The following HPSE2 variants were observed in gnomAD, a reference collection of about 807,000 sequenced individuals.
The protein encoded by HPSE2 is heparanase 2 (inactive).
HPSE2 carries 38 observed loss-of-function variants against 60.5 expected under a neutral mutation model. That is an observed-to-expected ratio of 0.63 (90% CI 0.48 to 0.82). The LOEUF is 0.82. Among genes scored for constraint, HPSE2 ranks in the 40% least tolerant of loss-of-function variants. HPSE2 has a pLI of 0.00. For synonymous variants in HPSE2, 295 were observed against 293.2 expected (o/e 1.01, Z -0.06); for missense variants, 713 against 740.4 (o/e 0.96, Z 0.43).
At chr10:99,097,854 G>A (rs375158473) in intron 3 of HPSE2, among the ~76,000 whole-genome samples, 1 of 152,148 alleles carries the variant, frequency 6.6e-6, no homozygotes, top group Non-Finnish European at 1.5e-5. Flanking sequence ...GTAGTAAATG[G>A]AAGAACCAGG....
In HPSE2 at chr10:99,008,402, G is replaced by C. The variant is rs866145589; in HGVS notation, c.610+135836C>G. On this transcript the variant is annotated intron_variant, in intron 3 of 11. Transcript: ENST00000370552. Reference sequence around the variant, plus strand: ...TGGAATTTTATCTTTGTTTTAACTTGAGTCTTTATGTTCAGAAAAATGAGA... The same window carrying C: ...TGGAATTTTATCTTTGTTTTAACTTCAGTCTTTATGTTCAGAAAAATGAGA... 1.2e-4 allele frequency among the ~76,000 whole-genome samples: 19 copies of C among 152,172 alleles called. No individual in the cohort carries two copies. The South Asian group carries it at 3.7e-3, about 30-fold the overall frequency.
intron 2 of HPSE2, among the ~76,000 whole-genome samples, chr10:99,206,285 G>A (rs924283972): frequency 2.6e-5 from 4 of 152,146 alleles, no homozygotes; most frequent in African/African-American, 9.7e-5. Context: ...AAGGCTATTA[G>A]TACTTATGTT....
At chr10:98,999,659 G>A (rs1454694006) in intron 3 of HPSE2, among the ~76,000 whole-genome samples, 1 of 152,062 alleles carries the variant, frequency 6.6e-6, no homozygotes, top group Non-Finnish European at 1.5e-5. Flanking sequence ...TTTTAGGTAG[G>A]CAGACTAGAC....
intron 2 of HPSE2, among the ~76,000 whole-genome samples, chr10:99,154,737 A>G (rs1846455297): frequency 6.6e-6 from 1 of 151,434 alleles, no homozygotes; most frequent in African/African-American, 2.4e-5. Context: ...GACAGGATCA[A>G]ATTCACACAT....
chr10:98,841,253 T>C (rs1951906862), intron 3 of HPSE2, among the ~76,000 whole-genome samples: 1 of 152,184 alleles, frequency 6.6e-6, no homozygotes, highest in South Asian at 2.1e-4. Context: ...CAAGAGACGC[T>C]GTCTCAACAA....
the HPSE2 span, among the ~76,000 whole-genome samples, chr10:99,309,048 A>C: frequency 1.3e-5 from 2 of 152,164 alleles, no homozygotes; most frequent in Non-Finnish European, 2.9e-5. Context: ...TCTAAACAAG[A>C]AAAGGGTTAA....
chr10:99,314,676 A>G, the HPSE2 span, among the ~76,000 whole-genome samples: 1 of 152,214 alleles, frequency 6.6e-6, no homozygotes, highest in African/African-American at 2.4e-5. Context: ...ATTTTATTTT[A>G]CAAATCTGTG....
chr10:99,138,298 G>A (rs1312274131), intron 3 of HPSE2, among the ~76,000 whole-genome samples: 1 of 152,184 alleles, frequency 6.6e-6, no homozygotes, highest in Non-Finnish European at 1.5e-5. Flanking sequence ...TGGTGGGAGT[G>A]TAAATTAGTT....
intron 3 of HPSE2, among the ~76,000 whole-genome samples, chr10:99,121,544 T>TGAC (rs1554893382): frequency 6.6e-6 from 1 of 151,408 alleles, no homozygotes; most frequent in Non-Finnish European, 1.5e-5. Context: ...AAAATAAAAA[T>TGAC]AAAGAATGTA....
intron 3 of HPSE2, among the ~76,000 whole-genome samples, chr10:98,769,507 A>G (rs569890481): frequency 3.9e-5 from 6 of 152,246 alleles, no homozygotes; most frequent in Non-Finnish European, 8.8e-5. Flanking sequence ...AGTAACAAGT[A>G]TAACACTTCT....
intron 2 of HPSE2, among the ~76,000 whole-genome samples, chr10:99,229,638 T>A (rs566707657): frequency 6.6e-6 from 1 of 152,292 alleles, no homozygotes; most frequent in African/African-American, 2.4e-5. Flanking sequence ...TCATAAGTCA[T>A]AGGGCCAGGC....
chr10:98,628,125 C>A (rs533942874), intron 7 of HPSE2, among the ~76,000 whole-genome samples: 2 of 152,226 alleles, frequency 1.3e-5, no homozygotes, highest in East Asian at 3.9e-4. Flanking sequence ...TAGGAGTAGT[C>A]AGTACAAACC....
intron 3 of HPSE2, among the ~76,000 whole-genome samples, chr10:98,925,906 C>T (rs1357329290): frequency 6.6e-6 from 1 of 152,050 alleles, no homozygotes; most frequent in Non-Finnish European, 1.5e-5. Context: ...AGAAGAAAAC[C>T]CAGGGAACTC....
At chr10:98,736,933 C>T (rs1024213079) in intron 4 of HPSE2, among the ~76,000 whole-genome samples, 1 of 152,062 alleles carries the variant, frequency 6.6e-6, no homozygotes, top group Non-Finnish European at 1.5e-5. Context: ...TGACTAAATA[C>T]CATGAGAGTA....
chr10:98,975,401 A>AGGAGGG (rs967029619), intron 3 of HPSE2, among the ~76,000 whole-genome samples: 1 of 152,076 alleles, frequency 6.6e-6, no homozygotes, highest in African/African-American at 2.4e-5. Context: ...TGGAAATTCA[A>AGGAGGG]CTTGAGGCAC....
intron 3 of HPSE2, among the ~76,000 whole-genome samples, chr10:98,846,352 T>A (rs2134712557): frequency 6.6e-6 from 1 of 152,312 alleles, no homozygotes; most frequent in East Asian, 1.9e-4. Flanking sequence ...AACATACAAT[T>A]ACTTGACTGT....
At chr10:98,583,032 G>A (rs1016256099) in intron 9 of HPSE2, among the ~76,000 whole-genome samples, 6 of 152,108 alleles carry the variant, frequency 3.9e-5, no homozygotes, top group African/African-American at 4.8e-5. Context: ...CGAAGACTAG[G>A]GGGGCATAGG....
At chr10:98,482,146 A>G (rs1941259916) in intron 11 of HPSE2, among the ~76,000 whole-genome samples, 1 of 152,112 alleles carries the variant, frequency 6.6e-6, no homozygotes. Flanking sequence ...TGACCTTTTG[A>G]GCACTAAACT....
At chr10:98,592,142 G>A (rs1467084297) in intron 9 of HPSE2, among the ~76,000 whole-genome samples, 2 of 152,132 alleles carry the variant, frequency 1.3e-5, no homozygotes, top group Non-Finnish European at 2.9e-5. Context: ...TCTTGACTTT[G>A]GTCATTCATT....
Sources: allele counts gnomAD v4.1 joint callset (sites outside exome capture counted in the v4.1 genomes callset), GRCh38; gene constraint gnomAD v4.1.1; transcripts MANE v1.5; gene names NCBI Gene and HGNC (gene_info 2026-07-23, HGNC 2026-07-21).